The following ZCCHC7 variants were observed in gnomAD, a reference collection of about 807,000 sequenced individuals.
ZCCHC7 encodes the protein zinc finger CCHC-type containing 7.
Under a neutral mutation model 52.0 loss-of-function variants are expected in ZCCHC7, and 35 were observed. That is an observed-to-expected ratio of 0.67 (90% confidence interval 0.51 to 0.89). ZCCHC7 has a LOEUF of 0.89. ZCCHC7 is among the 40% of genes least tolerant of loss of function. The pLI, the probability that ZCCHC7 is intolerant of heterozygous loss-of-function variation, is 0.00. For missense variants in ZCCHC7, 574 were observed against 649.1 expected (o/e 0.88, Z 1.26); for synonymous variants, 217 against 221.5 (o/e 0.98, Z 0.18).
At chr9:37,132,650 C>A (rs559916234) in intron 2 of ZCCHC7, among the ~76,000 whole-genome samples, 1 of 152,256 alleles carries the variant, frequency 6.6e-6, no homozygotes, top group South Asian at 2.1e-4. Flanking sequence ...TAGGACTTCC[C>A]ATGGATACCA....
chr9:37,255,133 TA>T (rs1156843253), intron 2 of ZCCHC7, among the ~76,000 whole-genome samples: 1 of 152,006 alleles, frequency 6.6e-6, no homozygotes, highest in Non-Finnish European at 1.5e-5. Context: ...ATCCCTATGA[TA>T]AAGTTTAAAT....
At chr9:37,287,563 G>T (rs1217722604) in intron 2 of ZCCHC7, among the ~76,000 whole-genome samples, 1 of 152,110 alleles carries the variant, frequency 6.6e-6, no homozygotes, top group East Asian at 1.9e-4. Context: ...ATTCAAGTTA[G>T]ACGGTAACAG....
intron 2 of ZCCHC7, among the ~76,000 whole-genome samples, chr9:37,218,158 G>A (rs1260921403): frequency 6.6e-6 from 1 of 152,032 alleles, no homozygotes; most frequent in African/African-American, 2.4e-5. Flanking sequence ...GTTTACCTCC[G>A]TGACAGTTCT....
At chr9:37,215,404 G>T (rs1424415683) in intron 2 of ZCCHC7, among the ~76,000 whole-genome samples, 1 of 152,098 alleles carries the variant, frequency 6.6e-6, no homozygotes, top group East Asian at 1.9e-4. Context: ...TAATAGAAAA[G>T]AAATGTTGCA....
chr9:37,232,328 A>G (rs563558452), intron 2 of ZCCHC7, among the ~76,000 whole-genome samples: 7 of 152,368 alleles, frequency 4.6e-5, no homozygotes, highest in African/African-American at 1.4e-4. Flanking sequence ...CCCTGGCTAC[A>G]CATTAGAATC....
chr9:37,327,432 G>A (rs1451678219), intron 5 of ZCCHC7: 1 of 192,534 alleles, frequency 5.2e-6, no homozygotes, highest in Non-Finnish European at 1.1e-5. Flanking sequence ...TACTACCAAA[G>A]TTCAAAATGC....
At position 37,335,017 on chromosome 9, in the gene ZCCHC7, T is replaced by G. The variant is rs188010286; in HGVS notation, c.987+7183T>G. Among the ~76,000 whole-genome samples the G allele has an allele frequency of 1.1e-4, 17 of 152,240 alleles. No homozygotes were observed. In the East Asian group the frequency reaches 3.3e-3, roughly 29 times the overall value. On this transcript the variant is annotated intron_variant, in intron 6 of 8. Coordinates refer to ENST00000336755, the MANE Select transcript of ZCCHC7 (RefSeq NM_032226.3). Reference sequence around the variant, plus strand: ...TTTTCATTCCATTTTTCAATAATCATGTAGAACTGAATCCATTGGGTAAAT... The same window carrying G: ...TTTTCATTCCATTTTTCAATAATCAGGTAGAACTGAATCCATTGGGTAAAT...
chr9:37,185,268 T>TA (rs1308723272), intron 2 of ZCCHC7, among the ~76,000 whole-genome samples: 2 of 152,110 alleles, frequency 1.3e-5, no homozygotes, highest in Non-Finnish European at 2.9e-5. Flanking sequence ...TCCTATCCCT[T>TA]AGGAGTTGTG....
chr9:37,309,984 C>G (rs1330956000), intron 5 of ZCCHC7, among the ~76,000 whole-genome samples: 2 of 151,636 alleles, frequency 1.3e-5, no homozygotes, highest in Non-Finnish European at 2.9e-5. Context: ...TAGTCACACA[C>G]CTAGACCTCT....
intron 2 of ZCCHC7, among the ~76,000 whole-genome samples, chr9:37,298,383 A>G (rs369997605): frequency 2.0e-5 from 3 of 152,340 alleles, no homozygotes; most frequent in East Asian, 1.9e-4. Context: ...AACTATATCA[A>G]TATCATCACC....
chr9:37,241,191 G>A (rs1013273841), intron 2 of ZCCHC7, among the ~76,000 whole-genome samples: 2 of 151,600 alleles, frequency 1.3e-5, no homozygotes, highest in Non-Finnish European at 3.0e-5. Context: ...CAAACCTTTA[G>A]CTATTTAGAT....
At chr9:37,342,157 T>G (rs1367274770) in intron 6 of ZCCHC7, among the ~76,000 whole-genome samples, 1 of 152,032 alleles carries the variant, frequency 6.6e-6, no homozygotes, top group African/African-American at 2.4e-5. Context: ...ACAGTACTGG[T>G]AGAGTGGAAA....
At chr9:37,351,334 T>C (rs1312303169) in intron 7 of ZCCHC7, among the ~76,000 whole-genome samples, 1 of 152,086 alleles carries the variant, frequency 6.6e-6, no homozygotes, top group Non-Finnish European at 1.5e-5. Flanking sequence ...TAGTGAAGAC[T>C]TTTTTTGAGA....
intron 2 of ZCCHC7, among the ~76,000 whole-genome samples, chr9:37,192,513 A>G (rs1462564357): frequency 6.6e-6 from 1 of 152,246 alleles, no homozygotes; most frequent in African/African-American, 2.4e-5. Context: ...ATTGTAAGAC[A>G]GCACTTTTCA....
intron 2 of ZCCHC7, among the ~76,000 whole-genome samples, chr9:37,160,952 AT>A (rs879309927): frequency 0.021 from 2,995 of 142,896 alleles, 38 homozygotes; most frequent in Non-Finnish European, 0.028. Context: ...GGGCTCAATA[AT>A]TTTTTTTTTT....
At chr9:37,240,984 C>T (rs1825850221) in intron 2 of ZCCHC7, among the ~76,000 whole-genome samples, 1 of 151,638 alleles carries the variant, frequency 6.6e-6, no homozygotes, top group Admixed American at 6.6e-5. Flanking sequence ...AATAAAATTT[C>T]ACTTTTAAAA....
chr9:37,279,844 T>C (rs1268511596), intron 2 of ZCCHC7, among the ~76,000 whole-genome samples: 1 of 151,750 alleles, frequency 6.6e-6, no homozygotes, highest in African/African-American at 2.4e-5. Flanking sequence ...CTAGGAATAG[T>C]AGTAACAGAG....
At position 37,202,711 on chromosome 9, in the gene ZCCHC7, G is replaced by T. The variant is rs563893149; in HGVS notation, c.610+75769G>T. ...TGCCCAGGCTGATCTTGAACTCCTG[G>T]ACTCAAGCGATCCTCCTGCCTTGGC... On this transcript the variant is annotated intron_variant, in intron 2 of 8. Transcript: ENST00000336755. Among the ~76,000 whole-genome samples, 10 of 152,264 alleles carry T rather than the reference G, an allele frequency of 6.6e-5. No homozygotes were observed. In the South Asian group the frequency reaches 2.1e-3, roughly 32 times the overall value.
chr9:37,203,679 T>C (rs1823753216), intron 2 of ZCCHC7, among the ~76,000 whole-genome samples: 1 of 152,238 alleles, frequency 6.6e-6, no homozygotes, highest in Admixed American at 6.5e-5. Flanking sequence ...GGTGTATATG[T>C]ACCACATTTT....
Sources: allele counts gnomAD v4.1 joint callset (sites outside exome capture counted in the v4.1 genomes callset), GRCh38; gene constraint gnomAD v4.1.1; transcripts MANE v1.5; gene names NCBI Gene and HGNC (gene_info 2026-07-23, HGNC 2026-07-21).